The following TRANK1 variants were observed in gnomAD, a reference collection of about 807,000 sequenced individuals.
The protein encoded by TRANK1 is tetratricopeptide repeat and ankyrin repeat containing 1, also known as TPR and ankyrin repeat-containing protein 1.
TRANK1 carries 198 observed loss-of-function variants against 266.0 expected under a neutral mutation model. The ratio of observed to expected loss-of-function variants is 0.74; its 90% CI spans 0.66 to 0.84. TRANK1 has a LOEUF of 0.84. Ranked by LOEUF, TRANK1 falls within the 40% of genes least tolerant of loss-of-function variation. The probability of loss-of-function intolerance (pLI) is 0.00; values close to 1 mark genes in which losing one functional copy is unlikely to be tolerated. For missense variants in TRANK1, 3,326 were observed against 3,634.6 expected (o/e 0.92, Z 2.18); for synonymous variants, 1,396 against 1,384.1 (o/e 1.01, Z -0.19).
rs576596937 is a variant in TRANK1 at position 36,846,196 on chromosome 3, T to C, written c.5191+52A>G. 191 of 1,495,134 alleles carry C rather than the reference T, an allele frequency of 1.3e-4. No homozygotes were observed. In the East Asian group the frequency reaches 2.7e-3, roughly 21 times the overall value. The allele number at this position is 1,495,134 out of a possible 1,614,324, so 92.6% of individuals were successfully genotyped here. A position where few individuals can be genotyped will look rare whatever the true frequency, so the allele number is the denominator to read the frequency against. ...TTTTATTCCTGACCATAAGAACAGT[T>C]GAGAGAAACACGATTCCTCCATCAG... On this transcript the variant is annotated intron_variant, in intron 17 of 23. Coordinates refer to ENST00000645898, the MANE Select transcript of TRANK1 (RefSeq NM_001329998.2).
intron 1 of TRANK1, among the ~76,000 whole-genome samples, chr3:36,908,870 C>T (rs972477892): frequency 9.2e-5 from 14 of 152,196 alleles, no homozygotes; most frequent in Non-Finnish European, 2.1e-4. Flanking sequence ...AGGTTCAAGT[C>T]ACTTGCCTAA....
chr3:36,935,398 C>A (rs1404151333), intron 1 of TRANK1, among the ~76,000 whole-genome samples: 1 of 151,272 alleles, frequency 6.6e-6, no homozygotes, highest in Non-Finnish European at 1.5e-5. Context: ...CAGCTCTGTG[C>A]CAGACACTAA....
intron 3 of TRANK1, 86 bp downstream of exon 3, chr3:36,903,063 C>A (rs751480663): frequency 3.4e-5 from 50 of 1,463,220 alleles, no homozygotes; most frequent in Non-Finnish European, 4.3e-5. Context: ...CACTGCCCCA[C>A]ACTTTCTCTC....
chr3:36,855,770 G>A lies in TRANK1; in HGVS notation c.3952C>T (p.Arg1318Trp), dbSNP rs771636870. ...VEMRTGDSDPRVYVTFEVFKN... is the reference protein window; with the variant it reads ...VEMRTGDSDPWVYVTFEVFKN... ...AACACCTCAAACGTCACGTACACCC[G>A]GGGGTCACTGTCACCCGTACGCATT... is the stretch of plus-strand genomic sequence containing the variant. The change falls in exon 13 of 24, where the codon CGG (arginine) becomes TGG (tryptophan). Residue 1318 changes from arginine to tryptophan, a missense_variant. Coordinates refer to ENST00000645898, the MANE Select transcript of TRANK1 (RefSeq NM_001329998.2). The A allele has an allele frequency of 1.2e-5, 19 of 1,613,386 alleles. No individual in the cohort carries two copies. Among genetic ancestry groups the A allele is most frequent in the African/African-American group, 5.4e-5 (4 of 74,750 alleles).
At chr3:36,931,478 G>A (rs569119692) in intron 1 of TRANK1, among the ~76,000 whole-genome samples, 2 of 152,266 alleles carry the variant, frequency 1.3e-5, no homozygotes, top group East Asian at 3.9e-4. Context: ...ACCAAGGCAG[G>A]TGGATCACTT....
Position 36,831,443 on chromosome 3 carries a change from G to C in TRANK1, c.8140C>G (p.Gln2714Glu). ...TTCCGCTGTATGGAGGCCTTCCGTT[G>C]CTTTTGGGAAAGAATGGTGGCCAGG... ...HVLATILSQKQRKASIQRKLR... is the reference protein window; with the variant it reads ...HVLATILSQKERKASIQRKLR... Residue 2714 changes from glutamine to glutamate, a missense_variant, in exon 22 of 24, where the codon CAA becomes GAA. Transcript: ENST00000645898. The surrounding 1 kb of genome is among the most constrained non-coding windows in gnomAD (Gnocchi z 5.0). The C allele has an allele frequency of 6.2e-7, 1 of 1,613,162 alleles. No homozygotes were observed. The highest frequency in any genetic ancestry group is 8.5e-7 in the Non-Finnish European group (1 of 1,179,552).
At chr3:36,838,550 T>C (rs769137974) in intron 19 of TRANK1, 46 bp from the exon 20 acceptor site, 2 of 1,614,004 alleles carry the variant, frequency 1.2e-6, no homozygotes, top group Non-Finnish European at 1.7e-6. Flanking sequence ...ACATTGACCC[T>C]ACACCAATAT....
chr3:36,861,767 G>T (rs1170255210), intron 10 of TRANK1, among the ~76,000 whole-genome samples: 2 of 148,722 alleles, frequency 1.3e-5, no homozygotes, highest in Non-Finnish European at 1.5e-5. Context: ...ATACAGTGGC[G>T]CGATCTCGGC....
intron 9 of TRANK1, among the ~76,000 whole-genome samples, chr3:36,870,733 T>C (rs1240646779): frequency 6.6e-6 from 1 of 152,106 alleles, no homozygotes; most frequent in South Asian, 2.1e-4. Flanking sequence ...CTTGGAACGA[T>C]GCACAGTCCT....
At chr3:36,943,931 T>C (rs934999284) in intron 1 of TRANK1, among the ~76,000 whole-genome samples, 14 of 152,134 alleles carry the variant, frequency 9.2e-5, no homozygotes, top group Non-Finnish European at 1.6e-4. Context: ...AAAATTTTCC[T>C]AGGAAGCACC....
At chr3:36,891,110 C>T (rs10222525) in intron 7 of TRANK1, among the ~76,000 whole-genome samples, 48,787 of 152,036 alleles carry the variant, frequency 0.32, 8,686 homozygotes, top group East Asian at 0.56. Flanking sequence ...GAGGCTAAGG[C>T]GGGTGGATCA....
intron 1 of TRANK1, among the ~76,000 whole-genome samples, chr3:36,934,483 G>A (rs1001180898): frequency 2.6e-5 from 4 of 152,076 alleles, no homozygotes; most frequent in Non-Finnish European, 4.4e-5. Context: ...CATTAAAAAC[G>A]AGGGAAGCAA....
At chr3:36,879,900 ATGTAAACATG>A (rs1559449287) in intron 8 of TRANK1, among the ~76,000 whole-genome samples, 1,118 of 74,964 alleles carry the variant, frequency 0.015, 367 homozygotes, top group Non-Finnish European at 0.019. Context: ...ATGCAAATAT[ATGTAAACATG>A]CAAATATATG....
At chr3:36,941,319 G>T (rs1418471360) in intron 1 of TRANK1, among the ~76,000 whole-genome samples, 2 of 152,116 alleles carry the variant, frequency 1.3e-5, no homozygotes, top group Non-Finnish European at 2.9e-5. Flanking sequence ...CCCAGAGTTG[G>T]CTTGGCTCCA....
intron 1 of TRANK1, among the ~76,000 whole-genome samples, chr3:36,916,883 T>C (rs1334501084): frequency 1.3e-5 from 2 of 152,020 alleles, no homozygotes; most frequent in South Asian, 2.1e-4. Flanking sequence ...TGGTGCAATC[T>C]TGGCTCACTG....
chr3:36,856,052 G>A lies in TRANK1; in HGVS notation c.3670C>T (p.Pro1224Ser), dbSNP rs779815295. Residue 1224 changes from proline to serine, a missense_variant, in exon 13 of 24, where the codon CCA becomes TCA. Coordinates refer to ENST00000645898, the MANE Select transcript of TRANK1 (RefSeq NM_001329998.2). ...AGTTTGTGAATGTTGGGGTCCAGTG[G>A]TTTGTAATGACTAGTGGCCTTGGTG... ...KSTKATSHYK[P>S]LDPNIHKLQD... 7 of 1,613,846 alleles carry A rather than the reference G, an allele frequency of 4.3e-6. No individual in the cohort carries two copies. The highest frequency in any genetic ancestry group is 5.9e-6 in the Non-Finnish European group (7 of 1,179,880).
At chr3:36,829,737 A>C (rs2078670572) in intron 22 of TRANK1, 75 bp from the exon 23 acceptor site, 2 of 1,465,146 alleles carry the variant, frequency 1.4e-6, no homozygotes, top group Admixed American at 1.7e-5. Context: ...CTAGACCCAG[A>C]GTCCCCACAT....
Position 36,831,036 on chromosome 3 carries a change from A to G in TRANK1, c.8547T>C (p.Ile2849=), listed in dbSNP as rs1174424045. 1 of 1,614,002 alleles carries G rather than the reference A, an allele frequency of 6.2e-7. No individual in the cohort carries two copies. The highest frequency in any genetic ancestry group is 2.2e-5 in the East Asian group (1 of 44,882). Residue 2849 remains isoleucine (I), a synonymous_variant, in exon 22 of 24, where the codon ATT becomes ATC. Coordinates refer to ENST00000645898, the MANE Select transcript of TRANK1 (RefSeq NM_001329998.2). This position sits in a 1 kb window ranked among gnomAD's most constrained non-coding sequence, Gnocchi z 5.0. ...EFFHEKVDPA[I]DEGKLVVQDI... The stretch of plus-strand genomic sequence containing the variant: ...CCTGCACCACCAGCTTGCCTTCATC[A>G]ATGGCCGGGTCCACCTTCTCGTGGA...
rs1321992912 is a variant in TRANK1 at position 36,847,797 on chromosome 3, G to A, written c.4888-451C>T. Among the ~76,000 whole-genome samples, 3 of 152,168 alleles carry A rather than the reference G, an allele frequency of 2.0e-5. No individual in the cohort carries two copies. The East Asian group carries it at 5.8e-4, about 29-fold the overall frequency. On this transcript the variant is annotated intron_variant, in intron 15 of 23. Coordinates refer to ENST00000645898, the MANE Select transcript of TRANK1 (RefSeq NM_001329998.2). ...TGAAGAAAATCCAGTGCTATGGTGT[G>A]CAAGGTAGACTCTGAGGTCAGACAG...
Sources: allele counts gnomAD v4.1 joint callset (sites outside exome capture counted in the v4.1 genomes callset), GRCh38; gene constraint gnomAD v4.1.1; non-coding constraint Gnocchi (gnomAD v3.1); transcripts MANE v1.5; gene names NCBI Gene and HGNC (gene_info 2026-07-23, HGNC 2026-07-21).